Variants in GINM1 observed in about 807,000 individuals in gnomAD.
GINM1 encodes glycoprotein integral membrane protein 1.
Under a neutral mutation model 37.8 loss-of-function variants are expected in GINM1, and 29 were observed. The observed-to-expected ratio is 0.77, with a 90% confidence interval of 0.57 to 1.05. The LOEUF is 1.05. GINM1 is among the 50% of genes least tolerant of loss of function. GINM1 has a pLI of 0.00. For synonymous variants in GINM1, 143 were observed against 146.2 expected, an observed-to-expected ratio of 0.98 and a Z score of 0.16; for missense variants, 377 against 397.9, an observed-to-expected ratio of 0.95 and a Z score of 0.45.
At position 149,580,554 on chromosome 6, in the gene GINM1, C is replaced by T. The variant is rs1227242430; in HGVS notation, c.587-39C>T. The stretch of plus-strand genomic sequence containing the variant: ...TAATCTTAGGACTAGTAGGATAAGA[C>T]ACCAGCATTTTGGTAACGTTGCTCT... On this transcript the variant is annotated intron_variant, in intron 5 of 7. Coordinates refer to ENST00000367419, the MANE Select transcript of GINM1 (RefSeq NM_138785.5). 3 of 1,582,388 alleles carry T rather than the reference C, an allele frequency of 1.9e-6. No homozygotes were observed. The African/African-American group carries it at 4.1e-5, about 21-fold the overall frequency.
At chr6:149,589,150 T>TG (rs1778116321) in intron 7 of GINM1, among the ~76,000 whole-genome samples, 1 of 151,960 alleles carries the variant, frequency 6.6e-6, no homozygotes, top group African/African-American at 2.4e-5. Flanking sequence ...GGTCTCACTA[T>TG]GTTGCCCAGG....
In GINM1 at chr6:149,571,385, G is replaced by A. The variant is rs117374424; in HGVS notation, c.121-900G>A. Among the ~76,000 whole-genome samples, 34 of 151,902 alleles carry A rather than the reference G, an allele frequency of 2.2e-4. No homozygotes were observed. The East Asian group carries it at 5.4e-3, about 24-fold the overall frequency. Reference sequence around the variant, plus strand: ...AAAGTTGGAAACAACTCAGATGTCCGTGGGTAATAGAATAAATAAGTAAAT... The same window carrying A: ...AAAGTTGGAAACAACTCAGATGTCCATGGGTAATAGAATAAATAAGTAAAT... On this transcript the variant is annotated intron_variant, in intron 1 of 7. Transcript: ENST00000367419.
At position 149,572,352 on chromosome 6, in the gene GINM1, T is replaced by A; in HGVS notation, c.180+8T>A. On this transcript the variant is annotated splice_region_variant and intron_variant, in intron 2 of 7. Coordinates refer to ENST00000367419, the MANE Select transcript of GINM1 (RefSeq NM_138785.5). ...GACATATCTAAACAGCAGGTTTGTCTCCTTTTCTGGTTTTAATATATAATT... is the reference window on the plus strand; with the variant it reads ...GACATATCTAAACAGCAGGTTTGTCACCTTTTCTGGTTTTAATATATAATT... 1 of 1,573,514 alleles carries A rather than the reference T, an allele frequency of 6.4e-7. No individual in the cohort carries two copies. The highest frequency in any genetic ancestry group is 1.4e-5 in the African/African-American group (1 of 73,392).
At chr6:149,568,454 G>A (rs1205209882) in intron 1 of GINM1, among the ~76,000 whole-genome samples, 2 of 152,248 alleles carry the variant, frequency 1.3e-5, no homozygotes, top group East Asian at 3.8e-4. Context: ...TGCCTTGATG[G>A]TTATGTCTTT....
intron 7 of GINM1, among the ~76,000 whole-genome samples, chr6:149,585,757 T>C (rs1778061745): frequency 6.6e-6 from 1 of 152,094 alleles, no homozygotes; most frequent in Admixed American, 6.6e-5. Flanking sequence ...CACGCCCAGC[T>C]AATTTTTTGT....
intron 3 of GINM1, among the ~76,000 whole-genome samples, chr6:149,575,555 T>C (rs1582733966): frequency 6.6e-6 from 1 of 152,174 alleles, no homozygotes; most frequent in African/African-American, 2.4e-5. Context: ...AGAAATCACA[T>C]AGGATATTGT....
chr6:149,582,375 A>C, intron 6 of GINM1, 65 bp from the exon 7 acceptor site: 3 of 1,400,276 alleles, frequency 2.1e-6, no homozygotes, highest in Non-Finnish European at 3.0e-6. Context: ...AAAACATTAA[A>C]AAATTTAAAG....
intron 3 of GINM1, among the ~76,000 whole-genome samples, chr6:149,577,791 C>T (rs1299321683): frequency 6.6e-6 from 1 of 152,180 alleles, no homozygotes; most frequent in Admixed American, 6.5e-5. Context: ...AATGCTCCAT[C>T]TGTGACAGGT....
intron 7 of GINM1, among the ~76,000 whole-genome samples, chr6:149,585,674 G>T (rs1302031305): frequency 6.6e-6 from 1 of 151,984 alleles, no homozygotes; most frequent in Admixed American, 6.6e-5. Flanking sequence ...CTCGCTGCAA[G>T]CTCCACCTCC....
chr6:149,572,638 G>T, intron 3 of GINM1, 35 bp downstream of exon 3: 1 of 1,191,256 alleles, frequency 8.4e-7, no homozygotes, highest in Non-Finnish European at 1.3e-6. Context: ...TAATTGCTCT[G>T]TTTTTTGTGT....
In GINM1 at chr6:149,579,968, C is replaced by T. The variant is rs781750095; in HGVS notation, c.564C>T (p.Thr188=). The T allele has an allele frequency of 2.1e-5, 34 of 1,588,430 alleles. No individual in the cohort carries two copies. The African/African-American group carries it at 3.4e-4, about 16-fold the overall frequency. Residue 188 remains threonine, a synonymous_variant, in exon 5 of 8, where the codon ACC becomes ACT. Transcript: ENST00000367419. ...SISRDSDILF[T]LPNLSKKESV... ...CTCGAGACAGTGACATTTTATTTAC[C>T]CTTCCTAACCTCTCCAAAAAAGGTA...
At chr6:149,574,552 C>T (rs1159790562) in intron 3 of GINM1, among the ~76,000 whole-genome samples, 1 of 152,096 alleles carries the variant, frequency 6.6e-6, no homozygotes, top group Non-Finnish European at 1.5e-5. Flanking sequence ...CTTGGTTTTA[C>T]GTAATTTTAC....
In GINM1 at chr6:149,579,915, TTGGAAG is replaced by T; in HGVS notation, c.512_517del (p.Leu171_Glu173delinsTer). 6.2e-7 allele frequency: 1 copy of T among 1,610,054 alleles called. No individual in the cohort carries two copies. The highest frequency in any genetic ancestry group is 8.5e-7 in the Non-Finnish European group (1 of 1,176,620). ...CAGACATTCAAACTATACCCTCCCT[TTGGAAG>T]AAAGCATGCTCTACTCTATTTCTCG... On this transcript the variant is annotated stop_gained and inframe_deletion, in exon 5 of 8. Coordinates refer to ENST00000367419, the MANE Select transcript of GINM1 (RefSeq NM_138785.5). LOFTEE classifies it high-confidence loss of function.
In GINM1 at chr6:149,576,602, GAAAA is replaced by G. The variant is rs150991023; in HGVS notation, c.278-2214_278-2211del. ...TGTCTCTTTCAAAAGAACAAAAAAA[GAAAA>G]AAAAATCATTCATAGATCGATAGAT... On this transcript the variant is annotated intron_variant, in intron 3 of 7. Coordinates refer to ENST00000367419, the MANE Select transcript of GINM1 (RefSeq NM_138785.5). 2.1e-3 allele frequency among the ~76,000 whole-genome samples: 312 copies of G among 150,424 alleles called. 1 individual carries two copies. Among genetic ancestry groups the G allele is most frequent in the African/African-American group, 7.2e-3 (296 of 41,072 alleles).
intron 7 of GINM1, among the ~76,000 whole-genome samples, chr6:149,588,426 A>G (rs928738295): frequency 6.6e-6 from 1 of 152,168 alleles, no homozygotes; most frequent in African/African-American, 2.4e-5. Flanking sequence ...TGTTATACAT[A>G]TGTAATGCAC....
At chr6:149,585,718 G>A (rs190185094) in intron 7 of GINM1, among the ~76,000 whole-genome samples, 1,851 of 151,948 alleles carry the variant, frequency 0.012, 15 homozygotes, top group Middle Eastern at 0.041. Flanking sequence ...TCAGCCTCCC[G>A]AGTAGCTGGG....
rs746196116 is a variant in GINM1 at position 149,590,841 on chromosome 6, C to T, written c.*3C>T. On this transcript the variant is annotated 3_prime_UTR_variant, in exon 8 of 8. Coordinates refer to ENST00000367419, the MANE Select transcript of GINM1 (RefSeq NM_138785.5). ...TTGAAGATAAAACATGTATTTAAAA[C>T]GCCATCTCATATCATGGACTCCGAA... 10 of 1,410,222 alleles carry T rather than the reference C, an allele frequency of 7.1e-6. No homozygotes were observed. The highest frequency in any genetic ancestry group is 4.5e-5 in the East Asian group (2 of 43,992). 87.4% of individuals were successfully genotyped at this position (1,410,222 alleles called of 1,614,324 possible). A position where few individuals can be genotyped will look rare whatever the true frequency, so the allele number is the denominator to read the frequency against.
At chr6:149,583,290 C>G (rs1161292216) in intron 7 of GINM1, among the ~76,000 whole-genome samples, 1 of 152,130 alleles carries the variant, frequency 6.6e-6, no homozygotes, top group Non-Finnish European at 1.5e-5. Flanking sequence ...TGATGAAACC[C>G]TGTCTCTACT....
chr6:149,572,463 G>GT, intron 2 of GINM1, 44 bp from the exon 3 acceptor site: 1 of 1,344,544 alleles, frequency 7.4e-7, no homozygotes, highest in Non-Finnish European at 1.0e-6. Context: ...GTTTGCTATT[G>GT]TTTATAAATA....
Sources: allele counts gnomAD v4.1 joint callset (sites outside exome capture counted in the v4.1 genomes callset), GRCh38; gene constraint gnomAD v4.1.1; transcripts MANE v1.5; gene names NCBI Gene and HGNC (gene_info 2026-07-23, HGNC 2026-07-21).